The following RRM1 variants were observed in gnomAD, a reference collection of about 807,000 sequenced individuals.
RRM1 encodes ribonucleoside-diphosphate reductase large subunit.
Under a neutral mutation model 101.5 loss-of-function variants are expected in RRM1, and 19 were observed. The ratio of observed to expected loss-of-function variants is 0.19; its 90% CI spans 0.13 to 0.27. The LOEUF (loss-of-function observed/expected upper bound fraction) is 0.27, where lower values mean the gene tolerates loss of function less well. Among genes scored for constraint, RRM1 ranks in the 10% least tolerant of loss-of-function variants. The pLI is 1.00. For synonymous variants in RRM1, 298 were observed against 323.4 expected (o/e 0.92, Z 0.84); for missense variants, 500 against 962.9 (o/e 0.52, Z 6.36).
chr11:4,096,783 C>G (rs1025132365), intron 1 of RRM1, among the ~76,000 whole-genome samples: 40 of 151,922 alleles, frequency 2.6e-4, no homozygotes, highest in African/African-American at 8.2e-4. Flanking sequence ...GATTACAGTG[C>G]TGGGAGCCAC....
Position 4,101,563 on chromosome 11 carries a change from C to CCA in RRM1, c.20-429_20-428insAC, listed in dbSNP as rs1190624832. ...TCCTGACCTCCAGTGATCCACACCC[C>CCA]CCCCCGCTCCCTTGGCCTCCCAAAG... On this transcript the variant is annotated intron_variant, in intron 1 of 18. Coordinates refer to ENST00000300738, the MANE Select transcript of RRM1 (RefSeq NM_001033.5). Among the ~76,000 whole-genome samples the CCA allele has an allele frequency of 2.5e-3, 148 of 58,138 alleles. 20 individuals carry two copies. The highest frequency in any genetic ancestry group is 5.8e-3 in the African/African-American group (146 of 24,984). The allele number at this position is 58,138 out of a possible 152,430, so 38.1% of individuals were successfully genotyped here.
In RRM1 at chr11:4,105,578, C is replaced by CTTTTTT. The variant is rs55705631; in HGVS notation, c.109-453_109-448dup. On this transcript the variant is annotated intron_variant, in intron 2 of 18. Coordinates refer to ENST00000300738, the MANE Select transcript of RRM1 (RefSeq NM_001033.5). ...ATTTGATTGTTTTCTTTTTTCTTTC[C>CTTTTTT]TTTTTTTTTTTTTTTTTTTTGAGAC... 2.9e-3 allele frequency: 817 copies of CTTTTTT among 281,238 alleles called. 1 individual carries two copies. Among genetic ancestry groups the CTTTTTT allele is most frequent in the South Asian group, 4.9e-3 (197 of 40,498 alleles). 17.4% of individuals were successfully genotyped at this position (281,238 alleles called of 1,614,324 possible). A position where few individuals can be genotyped will look rare whatever the true frequency, so the allele number is the denominator to read the frequency against.
chr11:4,134,097 C>T (rs1034200040), intron 17 of RRM1, among the ~76,000 whole-genome samples: 1 of 149,532 alleles, frequency 6.7e-6, no homozygotes, highest in Admixed American at 6.8e-5. Context: ...ATTCTCCTGC[C>T]TCAGCCTCCC....
Position 4,132,710 on chromosome 11 carries a change from T to C in RRM1, c.1905+289T>C, listed in dbSNP as rs1452152624. 1.3e-5 allele frequency among the ~76,000 whole-genome samples: 2 copies of C among 152,226 alleles called. No individual in the cohort carries two copies. Among genetic ancestry groups the C allele is most frequent in the Non-Finnish European group, 2.9e-5 (2 of 68,032 alleles). ...TATGTAATCATAGTGATATATTCTA[T>C]AACTTCTCCCAGATGCTTAAGTTAG... is the stretch of plus-strand genomic sequence containing the variant. On this transcript the variant is annotated intron_variant, in intron 16 of 18. Transcript: ENST00000300738. This position sits in a 1 kb window ranked among gnomAD's most constrained non-coding sequence, Gnocchi z 4.1.
rs2094566179 is a variant in RRM1, at chr11:4,111,954, A to G, written c.542A>G (p.Glu181Gly). Residue 181 changes from glutamate (E) to glycine (G), a missense_variant, in exon 7 of 19, where the codon GAA (glutamate) becomes GGA (glycine). Physicochemically the swap from Glu to Gly is moderately conservative, Grantham distance 98. Transcript: ENST00000300738. ...AGAGTATCTGTTGGGATCCACAAAG[A>G]AGACATTGATGCAGCAATTGAAACA... is the stretch of plus-strand genomic sequence containing the variant. The part of the protein sequence containing the change: ...LMRVSVGIHK[E>G]DIDAAIETYN... 2 of 1,614,170 alleles carry G rather than the reference A, an allele frequency of 1.2e-6. No individual in the cohort carries two copies. Among genetic ancestry groups the G allele is most frequent in the Non-Finnish European group, 8.5e-7 (1 of 1,179,976 alleles).
intron 7 of RRM1, among the ~76,000 whole-genome samples, chr11:4,112,451 C>T (rs2094566897): frequency 6.6e-6 from 1 of 152,080 alleles, no homozygotes; most frequent in Non-Finnish European, 1.5e-5. Flanking sequence ...GCAACCTGTG[C>T]CTCCTTGGTA....
At position 4,119,841 on chromosome 11, in the gene RRM1, T is replaced by G. The variant is rs2094578950; in HGVS notation, c.793-4T>G. The G allele has an allele frequency of 1.3e-6, 2 of 1,579,608 alleles. No individual in the cohort carries two copies. Among genetic ancestry groups the G allele is most frequent in the Non-Finnish European group, 1.7e-6 (2 of 1,150,380 alleles). On this transcript the variant is annotated splice_polypyrimidine_tract_variant and splice_region_variant and intron_variant, in intron 8 of 18. Coordinates refer to ENST00000300738, the MANE Select transcript of RRM1 (RefSeq NM_001033.5). ...TGTCATTTCTATCATGGTCTCTCTT[T>G]TAGACTAATGGCAATTCCAATGGCC... is the stretch of plus-strand genomic sequence containing the variant.
At chr11:4,117,491 A>T (rs1397272233) in intron 7 of RRM1, among the ~76,000 whole-genome samples, 1 of 152,220 alleles carries the variant, frequency 6.6e-6, no homozygotes, top group Non-Finnish European at 1.5e-5. Flanking sequence ...TATCAAAAGG[A>T]TTAATTTCTG....
Position 4,113,307 on chromosome 11 carries a change from A to C in RRM1, c.650+1245A>C, listed in dbSNP as rs1291032670. 2.6e-5 allele frequency among the ~76,000 whole-genome samples: 4 copies of C among 152,216 alleles called. No individual in the cohort carries two copies. The East Asian group carries it at 7.7e-4, about 29-fold the overall frequency. On this transcript the variant is annotated intron_variant, in intron 7 of 18. Coordinates refer to ENST00000300738, the MANE Select transcript of RRM1 (RefSeq NM_001033.5). ...TAATTTGGCAAAAGATACCCAATAA[A>C]AACCTAGATGTATCGTCTCTTTTTT...
chr11:4,128,871 T>C (rs12273534), intron 14 of RRM1, among the ~76,000 whole-genome samples: 10,523 of 152,228 alleles, frequency 0.069, 478 homozygotes, highest in African/African-American at 0.13. Flanking sequence ...ATAATCAGTT[T>C]TCTTAGCCTG....
chr11:4,133,544 T>C lies in RRM1; in HGVS notation c.1906-19T>C, dbSNP rs759759925. 71 of 1,493,540 alleles carry C rather than the reference T, an allele frequency of 4.8e-5. No individual in the cohort carries two copies. Among genetic ancestry groups the C allele is most frequent in the Non-Finnish European group, 6.5e-5 (70 of 1,074,612 alleles). 92.5% of individuals were successfully genotyped at this position (1,493,540 alleles called of 1,614,324 possible). On this transcript the variant is annotated intron_variant, in intron 16 of 18. Transcript: ENST00000300738. Reference sequence around the variant, plus strand: ...CACTGTTATTTATTTCTTCATACATTTTCTGCTTTTCCATTCAGATTGTAA... The same window carrying C: ...CACTGTTATTTATTTCTTCATACATCTTCTGCTTTTCCATTCAGATTGTAA...
rs1257795842 is a variant in RRM1, at chr11:4,135,355, A to G, written c.2190+85A>G. The G allele has an allele frequency of 6.8e-6, 7 of 1,026,266 alleles. No individual in the cohort carries two copies. In the Admixed American group the frequency reaches 7.8e-5, roughly 11 times the overall value. 63.6% of individuals were successfully genotyped at this position (1,026,266 alleles called of 1,614,324 possible). A position where few individuals can be genotyped will look rare whatever the true frequency, so the allele number is the denominator to read the frequency against. ...TGATTTTATGTTTTAGCCACCTATT[A>G]AATATTATCACCTAGAAGTTCTTTA... is the stretch of plus-strand genomic sequence containing the variant. On this transcript the variant is annotated intron_variant, in intron 18 of 18. Coordinates refer to ENST00000300738, the MANE Select transcript of RRM1 (RefSeq NM_001033.5).
At chr11:4,095,126 C>G in intron 1 of RRM1, 95 bp downstream of exon 1, 2 of 1,379,284 alleles carry the variant, frequency 1.5e-6, no homozygotes, top group Non-Finnish European at 1.0e-6. Flanking sequence ...GCCTTCGCTG[C>G]TTCCCGCCTT....
intron 7 of RRM1, among the ~76,000 whole-genome samples, chr11:4,115,046 A>G (rs1209237056): frequency 6.6e-6 from 1 of 152,144 alleles, no homozygotes; most frequent in East Asian, 1.9e-4. Context: ...CTAAAACATG[A>G]TTAAAGGACA....
At chr11:4,135,310 G>C (rs1473845328) in intron 18 of RRM1, 40 bp downstream of exon 18, 1 of 1,443,632 alleles carries the variant, frequency 6.9e-7, no homozygotes, top group Admixed American at 2.1e-5. Flanking sequence ...TTGCCAGCTT[G>C]AGATATTTTG....
chr11:4,111,477 C>T, intron 5 of RRM1, 124 bp from the exon 6 acceptor site: 2 of 542,998 alleles, frequency 3.7e-6, no homozygotes, highest in Non-Finnish European at 3.2e-6. Flanking sequence ...ATGTGCTATT[C>T]TTTTCATTTG....
chr11:4,102,665 AAAGGGAAGCCTAG>A (rs1300711702), intron 2 of RRM1, among the ~76,000 whole-genome samples: 1 of 152,146 alleles, frequency 6.6e-6, no homozygotes, highest in Non-Finnish European at 1.5e-5. Flanking sequence ...AAAAAAAAAA[AAAGGGAAGCCTAG>A]AGTAAAGCTT....
At chr11:4,113,386 T>C (rs1233619818) in intron 7 of RRM1, among the ~76,000 whole-genome samples, 4 of 152,114 alleles carry the variant, frequency 2.6e-5, no homozygotes, top group Non-Finnish European at 4.4e-5. Context: ...AAAGAAAAGA[T>C]TGGAAATCAG....
In RRM1 at chr11:4,132,291, G is replaced by A; in HGVS notation, c.1775G>A (p.Gly592Asp). Residue 592 changes from glycine (G) to aspartate (D), a missense_variant, in exon 16 of 19, where the codon GGT (glycine) becomes GAT (aspartate). By Grantham distance (94) the Gly-to-Asp change is moderately conservative. Around this residue, in one of 9 missense-constraint regions of RRM1, gnomAD observed 106 missense variants for 138.1 expected, o/e 0.77. Coordinates refer to ENST00000300738, the MANE Select transcript of RRM1 (RefSeq NM_001033.5). The surrounding 1 kb of genome is among the most constrained non-coding windows in gnomAD (Gnocchi z 4.1). ...KVLKEKIAKY[G>D]IRNSLLIAPM... ...GATAATCTCCTTTTCTTTAGGTATGGTATAAGAAACAGTTTACTTATTGCC... is the reference window on the plus strand; with the variant it reads ...GATAATCTCCTTTTCTTTAGGTATGATATAAGAAACAGTTTACTTATTGCC... The A allele has an allele frequency of 6.2e-7, 1 of 1,614,008 alleles. No individual in the cohort carries two copies. The highest frequency in any genetic ancestry group is 8.5e-7 in the Non-Finnish European group (1 of 1,179,946).
Sources: gnomAD v4.1 joint callset for allele counts (sites outside exome capture counted in the v4.1 genomes callset) on GRCh38, gnomAD v4.1.1 for gene constraint, gnomAD v4.1.1 regional missense constraint, Gnocchi (gnomAD v3.1) non-coding constraint, MANE v1.5 for transcripts, NCBI Gene and HGNC (gene_info 2026-07-23, HGNC 2026-07-21) for gene names.